PGCKA1: variants seen among roughly 807,000 people sequenced by gnomAD.
PGCKA1 encodes the protein PDCD10 and GCKIII kinases associated 1.
chr4:37,473,544 G>T, the PGCKA1 span, among the ~76,000 whole-genome samples: 1 of 152,156 alleles, frequency 6.6e-6, no homozygotes. Context: ...TAGAATATAA[G>T]ATTTATAGTT....
At chr4:37,464,085 A>C in the PGCKA1 span, among the ~76,000 whole-genome samples, 1 of 152,188 alleles carries the variant, frequency 6.6e-6, no homozygotes, top group African/African-American at 2.4e-5. Context: ...GTTTGCATTA[A>C]ATCAGTACTC....
At chr4:37,576,836 A>C in the PGCKA1 span, among the ~76,000 whole-genome samples, 2 of 152,022 alleles carry the variant, frequency 1.3e-5, no homozygotes, top group African/African-American at 4.8e-5. Flanking sequence ...TGAAATGATC[A>C]TATGGTTTTT....
At chr4:37,579,700 C>T in the PGCKA1 span, among the ~76,000 whole-genome samples, 1 of 152,158 alleles carries the variant, frequency 6.6e-6, no homozygotes, top group Non-Finnish European at 1.5e-5. Context: ...CTTTCAGGAT[C>T]CTTTCTTTAT....
At chr4:37,491,136 C>T in the PGCKA1 span, among the ~76,000 whole-genome samples, 9,405 of 152,168 alleles carry the variant, frequency 0.062, 364 homozygotes, top group Middle Eastern at 0.088. Context: ...ACTTCCAATC[C>T]ACCTTCCTCA....
the PGCKA1 span, among the ~76,000 whole-genome samples, chr4:37,563,998 G>A: frequency 6.6e-6 from 1 of 152,056 alleles, no homozygotes; most frequent in Non-Finnish European, 1.5e-5. Flanking sequence ...CTCAGCCAGG[G>A]ACAGTGGCTC....
the PGCKA1 span, among the ~76,000 whole-genome samples, chr4:37,497,931 G>A: frequency 6.6e-6 from 1 of 152,028 alleles, no homozygotes; most frequent in African/African-American, 2.4e-5. Context: ...TAGCTTTTGG[G>A]TTTTTGGTCA....
the PGCKA1 span, among the ~76,000 whole-genome samples, chr4:37,525,223 G>A: frequency 0.015 from 2,249 of 152,174 alleles, 52 homozygotes; most frequent in African/African-American, 0.051. Context: ...ATAGCAACCT[G>A]GTAAGTAGGT....
chr4:37,471,762 A>G, the PGCKA1 span, among the ~76,000 whole-genome samples: 28,805 of 152,058 alleles, frequency 0.19, 2,850 homozygotes, highest in African/African-American at 0.2. Flanking sequence ...GTGAAGTGCT[A>G]AAAGTAGAAG....
chr4:37,571,002 A>G, the PGCKA1 span, among the ~76,000 whole-genome samples: 1 of 152,224 alleles, frequency 6.6e-6, no homozygotes, highest in African/African-American at 2.4e-5. Flanking sequence ...AGTTTATCAT[A>G]TCTCATACCC....
At chr4:37,566,938 T>C in the PGCKA1 span, among the ~76,000 whole-genome samples, 1 of 152,118 alleles carries the variant, frequency 6.6e-6, no homozygotes, top group Admixed American at 6.6e-5. Context: ...AACCGCTATA[T>C]CCTGCCATCT....
the PGCKA1 span, among the ~76,000 whole-genome samples, chr4:37,483,338 A>G: frequency 1.3e-5 from 2 of 152,316 alleles, no homozygotes; most frequent in African/African-American, 4.8e-5. Flanking sequence ...CAGCGTGACA[A>G]TGGACTAATA....
At chr4:37,542,465 G>C in the PGCKA1 span, among the ~76,000 whole-genome samples, 1 of 152,156 alleles carries the variant, frequency 6.6e-6, no homozygotes, top group Non-Finnish European at 1.5e-5. Flanking sequence ...AACAGACCAC[G>C]GAATGTTGTC....
At chr4:37,455,670 A>G in the PGCKA1 span, among the ~76,000 whole-genome samples, 1 of 152,176 alleles carries the variant, frequency 6.6e-6, no homozygotes, top group South Asian at 2.1e-4. Flanking sequence ...AACCTTGCAT[A>G]CCAACTCAAC....
At chr4:37,578,024 G>A in the PGCKA1 span, among the ~76,000 whole-genome samples, 14 of 152,162 alleles carry the variant, frequency 9.2e-5, no homozygotes, top group Non-Finnish European at 1.9e-4. Context: ...ACATTCTACA[G>A]CAGTTGGATG....
At chr4:37,545,461 T>C in the PGCKA1 span, among the ~76,000 whole-genome samples, 2 of 152,206 alleles carry the variant, frequency 1.3e-5, no homozygotes, top group African/African-American at 2.4e-5. Flanking sequence ...GTAACCTGAC[T>C]TCTTAAAAAC....
At chr4:37,462,989 G>A in the PGCKA1 span, among the ~76,000 whole-genome samples, 21,072 of 144,536 alleles carry the variant, frequency 0.15, 1,967 homozygotes, top group South Asian at 0.21. Context: ...AAAAAAGTCC[G>A]TAGATGACAG....
chr4:37,466,287 TATA>T, the PGCKA1 span, among the ~76,000 whole-genome samples: 5 of 152,212 alleles, frequency 3.3e-5, no homozygotes, highest in South Asian at 2.1e-4. Flanking sequence ...ATTAATGAAA[TATA>T]ATATCTGAAA....
At chr4:37,476,123 A>G in the PGCKA1 span, among the ~76,000 whole-genome samples, 2 of 152,086 alleles carry the variant, frequency 1.3e-5, no homozygotes, top group Non-Finnish European at 1.5e-5. Flanking sequence ...TAATGTATCT[A>G]GCTGTATTAG....
chr4:37,554,746 A>G, the PGCKA1 span, among the ~76,000 whole-genome samples: 1 of 152,192 alleles, frequency 6.6e-6, no homozygotes, highest in Non-Finnish European at 1.5e-5. Flanking sequence ...GGATGAATAG[A>G]ATTTTGCAAA....
Sources: gnomAD v4.1 joint callset for allele counts (sites outside exome capture counted in the v4.1 genomes callset) on GRCh38, gnomAD v4.1.1 for gene constraint, MANE v1.5 for transcripts, NCBI Gene and HGNC (gene_info 2026-07-23, HGNC 2026-07-21) for gene names.